ROBO1: variants seen among roughly 807,000 people sequenced by gnomAD.
ROBO1 encodes the protein roundabout guidance receptor 1.
ROBO1 carries 149 observed loss-of-function variants against 195.9 expected under a neutral mutation model. That is an observed-to-expected ratio of 0.76 (90% CI 0.67 to 0.87). The LOEUF (loss-of-function observed/expected upper bound fraction) is 0.87, where lower values mean the gene tolerates loss of function less well. Among genes scored for constraint, ROBO1 ranks in the 40% least tolerant of loss-of-function variants. ROBO1 has a pLI of 0.00. For missense variants in ROBO1, 1,933 were observed against 2,068.3 expected (o/e 0.93, Z 1.27); for synonymous variants, 816 against 733.2 (o/e 1.11, Z -1.82).
At chr3:78,938,021 G>C (rs1359336054) in intron 4 of ROBO1, 5 of 154,862 alleles carry the variant, frequency 3.2e-5, no homozygotes, top group African/African-American at 1.2e-4. Context: ...GTGTGTGTGT[G>C]TGTGTGTGTG....
rs1178541890 is a variant in ROBO1, at chr3:78,714,406, T to A, written c.1036A>T (p.Thr346Ser). The A allele has an allele frequency of 6.2e-7, 1 of 1,612,168 alleles. No homozygotes were observed. The highest frequency in any genetic ancestry group is 1.3e-5 in the African/African-American group (1 of 74,860). The change falls in exon 8 of 31, where the codon ACT (threonine) becomes TCT (serine). Residue 346 changes from threonine (T) to serine (S), a missense_variant. Transcript: ENST00000464233. ...CTTTCCCAATGCCTACCTTGAACAG[T>A]CAGAGTAGCAGATGCTTCAGCTTTG... ...VGKAEASATL[T>S]VQEPPHFVVK...
intron 1 of ROBO1, among the ~76,000 whole-genome samples, chr3:79,677,643 G>A (rs951706953): frequency 2.0e-5 from 3 of 152,176 alleles, no homozygotes; most frequent in South Asian, 2.1e-4. Flanking sequence ...GACATGGGGC[G>A]AAACCATATC....
At chr3:79,511,195 G>A (rs374414703) in intron 2 of ROBO1, among the ~76,000 whole-genome samples, 38 of 152,158 alleles carry the variant, frequency 2.5e-4, no homozygotes, top group African/African-American at 9.2e-4. Context: ...TTCTTAATGG[G>A]CTCACAAAAA....
chr3:78,647,739 C>A, intron 19 of ROBO1, 84 bp from the exon 20 acceptor site: 1 of 1,137,024 alleles, frequency 8.8e-7, no homozygotes. Flanking sequence ...ATCAAGCAGA[C>A]AGCTGAACAT....
intron 4 of ROBO1, among the ~76,000 whole-genome samples, chr3:78,881,044 C>T (rs1327385919): frequency 1.3e-5 from 2 of 152,164 alleles, no homozygotes; most frequent in Non-Finnish European, 1.5e-5. Context: ...TGAATATTGG[C>T]TGCCGCAACA....
chr3:78,631,727 T>G (rs921378022), intron 24 of ROBO1, among the ~76,000 whole-genome samples: 6 of 152,188 alleles, frequency 3.9e-5, no homozygotes, highest in African/African-American at 1.4e-4. Flanking sequence ...TCACTGAATA[T>G]ATATAATTTG....
chr3:78,740,319 T>C (rs1354782968), intron 5 of ROBO1, among the ~76,000 whole-genome samples: 1 of 150,148 alleles, frequency 6.7e-6, no homozygotes, highest in Non-Finnish European at 1.5e-5. Flanking sequence ...TAATATGCAA[T>C]AGCTATTGTT....
rs138262490 is a variant in ROBO1, at chr3:79,666,821, A to C, written c.-50-76860T>G. On this transcript the variant is annotated intron_variant, in intron 1 of 30. Transcript: ENST00000464233. ...CCATCTATGATTTTAGATAACTTGA[A>C]TTCAAAATCTGACTTTAAAGATCAT... 3.8e-3 allele frequency among the ~76,000 whole-genome samples: 584 copies of C among 152,078 alleles called. 4 individuals carry two copies. Among genetic ancestry groups the C allele is most frequent in the Non-Finnish European group, 6.2e-3 (423 of 67,944 alleles).
intron 3 of ROBO1, among the ~76,000 whole-genome samples, chr3:79,092,474 C>T (rs1447214083): frequency 6.6e-6 from 1 of 152,060 alleles, no homozygotes; most frequent in Non-Finnish European, 1.5e-5. Context: ...TTGAGAATTG[C>T]CAGACAGAGA....
At chr3:79,073,621 A>T (rs1014313789) in intron 3 of ROBO1, among the ~76,000 whole-genome samples, 12 of 151,868 alleles carry the variant, frequency 7.9e-5, no homozygotes, top group Admixed American at 4.6e-4. Flanking sequence ...ACATAGATTT[A>T]AAAAATATAT....
At chr3:78,988,339 A>AT (rs1377925863) in intron 3 of ROBO1, among the ~76,000 whole-genome samples, 1 of 152,100 alleles carries the variant, frequency 6.6e-6, no homozygotes, top group African/African-American at 2.4e-5. Flanking sequence ...GTCTGGTGCA[A>AT]TTTTAGGGAG....
chr3:79,283,107 ATTCTTTGT>A (rs2031634626), intron 2 of ROBO1, among the ~76,000 whole-genome samples: 1 of 152,236 alleles, frequency 6.6e-6, no homozygotes, highest in Non-Finnish European at 1.5e-5. Context: ...ATTCTAAATA[ATTCTTTGT>A]ACCTAATTAG....
intron 4 of ROBO1, among the ~76,000 whole-genome samples, chr3:78,751,952 A>G (rs979259893): frequency 4.6e-5 from 7 of 152,070 alleles, no homozygotes; most frequent in Non-Finnish European, 5.9e-5. Flanking sequence ...TTCTACTTCC[A>G]TTGATAAAGA....
intron 1 of ROBO1, among the ~76,000 whole-genome samples, chr3:79,648,122 T>C (rs1009915073): frequency 2.6e-5 from 4 of 152,082 alleles, no homozygotes; most frequent in Non-Finnish European, 5.9e-5. Flanking sequence ...GAGATACCCA[T>C]ACATTATAAG....
intron 2 of ROBO1, among the ~76,000 whole-genome samples, chr3:79,513,733 G>C (rs1940823928): frequency 1.3e-5 from 2 of 151,734 alleles, no homozygotes; most frequent in Non-Finnish European, 2.9e-5. Context: ...CCCATTCTTT[G>C]TGCACATAGA....
rs2081142594 is a variant in ROBO1 at position 79,170,199 on chromosome 3, T to C, written c.89-44660A>G. 3.3e-5 allele frequency among the ~76,000 whole-genome samples: 5 copies of C among 152,174 alleles called. No homozygotes were observed. The South Asian group carries it at 8.3e-4, about 25-fold the overall frequency. ...AAGAGTAAAGGGGCAAATGGAACCTTCAAGCTTTCATCCCAGGGCCTCATT... is the reference window on the plus strand; with the variant it reads ...AAGAGTAAAGGGGCAAATGGAACCTCCAAGCTTTCATCCCAGGGCCTCATT... On this transcript the variant is annotated intron_variant, in intron 2 of 30. Transcript: ENST00000464233.
At chr3:78,679,420 C>G (rs200722940) in intron 10 of ROBO1, among the ~76,000 whole-genome samples, 1 of 151,752 alleles carries the variant, frequency 6.6e-6, no homozygotes. Context: ...TGTATATCTA[C>G]AAAAACCCCA....
intron 3 of ROBO1, among the ~76,000 whole-genome samples, chr3:79,015,322 C>T (rs2077898478): frequency 6.6e-6 from 1 of 151,782 alleles, no homozygotes; most frequent in Non-Finnish European, 1.5e-5. Context: ...AGACAATTGG[C>T]TCAAATAGTG....
intron 1 of ROBO1, among the ~76,000 whole-genome samples, chr3:79,617,075 G>A (rs533248480): frequency 6.6e-6 from 1 of 152,114 alleles, no homozygotes; most frequent in South Asian, 2.1e-4. Context: ...TGGGATGAGG[G>A]TATGATAGGG....
Sources: gnomAD v4.1 joint callset for allele counts (sites outside exome capture counted in the v4.1 genomes callset) on GRCh38, gnomAD v4.1.1 for gene constraint, MANE v1.5 for transcripts, NCBI Gene and HGNC (gene_info 2026-07-23, HGNC 2026-07-21) for gene names.